CYP7B1: variants seen among roughly 807,000 people sequenced by gnomAD.
CYP7B1 encodes the protein cytochrome P450 family 7 subfamily B member 1.
CYP7B1 carries 29 observed loss-of-function variants against 42.7 expected under a neutral mutation model. That is an observed-to-expected ratio of 0.68 (90% CI 0.51 to 0.93). The LOEUF (loss-of-function observed/expected upper bound fraction) is 0.93, where lower values mean the gene tolerates loss of function less well. CYP7B1 is among the 40% of genes least tolerant of loss of function. The pLI, the probability that CYP7B1 is intolerant of heterozygous loss-of-function variation, is 0.00. For synonymous variants in CYP7B1, 235 were observed against 218.2 expected, an observed-to-expected ratio of 1.08 and a Z score of -0.68; for missense variants, 655 against 600.5, an observed-to-expected ratio of 1.09 and a Z score of -0.95.
intron 4 of CYP7B1, 28 bp from the exon 5 acceptor site, chr8:64,604,885 A>C (rs1161627787): frequency 3.1e-6 from 5 of 1,608,184 alleles, no homozygotes; most frequent in Non-Finnish European, 4.2e-6. Context: ...ACGATAGCTT[A>C]TTAAGATAGG....
intron 1 of CYP7B1, among the ~76,000 whole-genome samples, chr8:64,710,297 C>G (rs1446366780): frequency 6.6e-6 from 1 of 152,164 alleles, no homozygotes; most frequent in African/African-American, 2.4e-5. Context: ...TTTTAAAACA[C>G]CCATCCCTGA....
chr8:64,714,817 C>T (rs1807132379), intron 1 of CYP7B1, among the ~76,000 whole-genome samples: 1 of 152,066 alleles, frequency 6.6e-6, no homozygotes, highest in African/African-American at 2.4e-5. Context: ...ACAGGATAAA[C>T]TCAACATTTA....
chr8:64,764,877 C>T (rs1585901972), intron 1 of CYP7B1, among the ~76,000 whole-genome samples: 1 of 151,784 alleles, frequency 6.6e-6, no homozygotes, highest in African/African-American at 2.4e-5. Flanking sequence ...TTCCCTAAAC[C>T]CTGCAGATTT....
chr8:64,656,477 C>T (rs1397889079), intron 1 of CYP7B1, among the ~76,000 whole-genome samples: 4 of 152,194 alleles, frequency 2.6e-5, no homozygotes, highest in African/African-American at 4.8e-5. Context: ...ACGAAAGCCC[C>T]ACTGCCTTTT....
intron 1 of CYP7B1, among the ~76,000 whole-genome samples, chr8:64,793,177 T>A (rs945625565): frequency 1.3e-5 from 2 of 152,160 alleles, no homozygotes; most frequent in African/African-American, 4.8e-5. Context: ...GGGTCTCACA[T>A]CCAGAATTGT....
At chr8:64,621,124 C>A (rs1228439089) in intron 2 of CYP7B1, among the ~76,000 whole-genome samples, 2 of 152,166 alleles carry the variant, frequency 1.3e-5, no homozygotes, top group Admixed American at 6.5e-5. Context: ...AAGCCCAAGG[C>A]TCACTTAGAG....
At chr8:64,677,532 C>T (rs977247765) in intron 1 of CYP7B1, among the ~76,000 whole-genome samples, 7 of 147,268 alleles carry the variant, frequency 4.8e-5, no homozygotes, top group African/African-American at 1.8e-4. Context: ...ACAGGACTAA[C>T]AGCTTACCAG....
chr8:64,779,767 G>A (rs1365208597), intron 1 of CYP7B1, among the ~76,000 whole-genome samples: 2 of 152,104 alleles, frequency 1.3e-5, no homozygotes, highest in Non-Finnish European at 2.9e-5. Flanking sequence ...ACTATTATTT[G>A]TTTCAAGTGT....
chr8:64,782,457 C>T (rs909537089), intron 1 of CYP7B1, among the ~76,000 whole-genome samples: 2 of 152,146 alleles, frequency 1.3e-5, no homozygotes, highest in African/African-American at 4.8e-5. Context: ...GACACAGCAA[C>T]TGCTGGAACC....
chr8:64,721,769 A>G (rs1330015744), intron 1 of CYP7B1, among the ~76,000 whole-genome samples: 1 of 152,140 alleles, frequency 6.6e-6, no homozygotes, highest in Admixed American at 6.5e-5. Context: ...AGTAAATAAC[A>G]CTATATCTTT....
At chr8:64,610,764 G>A (rs1243387384) in intron 4 of CYP7B1, among the ~76,000 whole-genome samples, 3 of 151,934 alleles carry the variant, frequency 2.0e-5, no homozygotes, top group African/African-American at 7.3e-5. Flanking sequence ...AAAAAATACT[G>A]GTCAAGGTCT....
intron 1 of CYP7B1, among the ~76,000 whole-genome samples, chr8:64,655,901 C>T (rs1372202203): frequency 2.6e-5 from 4 of 152,100 alleles, no homozygotes; most frequent in Non-Finnish European, 4.4e-5. Flanking sequence ...AGCAAACTAA[C>T]GCTGGAACAG....
intron 1 of CYP7B1, among the ~76,000 whole-genome samples, chr8:64,628,629 C>G (rs957341449): frequency 1.3e-5 from 2 of 151,768 alleles, no homozygotes. Context: ...GTCTAGGCAA[C>G]AGAGCAAGAC....
chr8:64,716,102 C>T (rs1294088295), intron 1 of CYP7B1, among the ~76,000 whole-genome samples: 4 of 152,050 alleles, frequency 2.6e-5, no homozygotes, highest in Admixed American at 6.6e-5. Flanking sequence ...TTATGTTTTG[C>T]GTTAAGCACT....
intron 5 of CYP7B1, 32 bp downstream of exon 5, chr8:64,604,650 A>C: frequency 6.2e-7 from 1 of 1,613,010 alleles, no homozygotes; most frequent in Non-Finnish European, 8.5e-7. Context: ...AGGATCTAAG[A>C]AGTAGCAATC....
At chr8:64,735,331 T>C (rs966691319) in intron 1 of CYP7B1, among the ~76,000 whole-genome samples, 8 of 152,170 alleles carry the variant, frequency 5.3e-5, no homozygotes, top group Non-Finnish European at 7.3e-5. Flanking sequence ...AGAGTAGAAG[T>C]TACCCTTTTG....
chr8:64,791,696 G>C (rs969940115), intron 1 of CYP7B1, among the ~76,000 whole-genome samples: 1 of 152,230 alleles, frequency 6.6e-6, no homozygotes, highest in Non-Finnish European at 1.5e-5. Context: ...GAAATTCTCT[G>C]TTGTTTTAAG....
intron 1 of CYP7B1, among the ~76,000 whole-genome samples, chr8:64,755,624 G>A (rs1192484194): frequency 1.3e-5 from 2 of 152,080 alleles, no homozygotes; most frequent in East Asian, 3.9e-4. Flanking sequence ...TCACCATGTT[G>A]GTCAGGCTGG....
chr8:64,766,757 C>T (rs1807979237), intron 1 of CYP7B1, among the ~76,000 whole-genome samples: 1 of 152,192 alleles, frequency 6.6e-6, no homozygotes, highest in Admixed American at 6.5e-5. Flanking sequence ...TCCTCTGAGT[C>T]AGAAGCCACT....
Sources: allele counts gnomAD v4.1 joint callset (sites outside exome capture counted in the v4.1 genomes callset), GRCh38; gene constraint gnomAD v4.1.1; transcripts MANE v1.5; gene names NCBI Gene and HGNC (gene_info 2026-07-23, HGNC 2026-07-21).